Variants in FRMD6 observed in about 807,000 individuals in gnomAD.
FRMD6 encodes the protein FERM domain-containing protein 6.
FRMD6 carries 37 observed loss-of-function variants against 73.2 expected under a neutral mutation model. The observed-to-expected ratio is 0.51, with a 90% CI of 0.39 to 0.66. The LOEUF (loss-of-function observed/expected upper bound fraction) is 0.66, where lower values mean the gene tolerates loss of function less well. Among genes scored for constraint, FRMD6 ranks in the 30% least tolerant of loss-of-function variants. FRMD6 has a pLI of 0.00. For missense variants in FRMD6, 714 were observed against 780.5 expected (o/e 0.91, Z 1.02); for synonymous variants, 273 against 282.2 (o/e 0.97, Z 0.33).
chr14:51,634,226 T>C (rs1465195568), intron 2 of FRMD6, among the ~76,000 whole-genome samples: 1 of 152,244 alleles, frequency 6.6e-6, no homozygotes, highest in African/African-American at 2.4e-5. Context: ...GTACTCTTAT[T>C]ACACGTTGGG....
Position 51,521,866 on chromosome 14 carries a change from A to G in FRMD6, c.-210+32446A>G, listed in dbSNP as rs150475824. Among the ~76,000 whole-genome samples the G allele has an allele frequency of 2.1e-3, 319 of 152,320 alleles. 2 individuals carry two copies. The highest frequency in any genetic ancestry group is 7.0e-3 in the African/African-American group (290 of 41,584). On this transcript the variant is annotated intron_variant, in intron 1 of 14. Transcript: ENST00000356218. ...ACCAAGATAAATTTGTGATGAGCAGAAGTGATATTTATGTACCATAAATTC... is the reference window on the plus strand; with the variant it reads ...ACCAAGATAAATTTGTGATGAGCAGGAGTGATATTTATGTACCATAAATTC...
chr14:51,413,509 A>T, the FRMD6 span, among the ~76,000 whole-genome samples: 11 of 152,176 alleles, frequency 7.2e-5, no homozygotes, highest in African/African-American at 2.7e-4. Context: ...TTATGGCTGC[A>T]TAGTATTCCA....
At chr14:51,469,514 G>A in the FRMD6 span, among the ~76,000 whole-genome samples, 1 of 150,104 alleles carries the variant, frequency 6.7e-6, no homozygotes, top group East Asian at 2.1e-4. Flanking sequence ...TCGGGAGGCT[G>A]AGGCAGGAGA....
At chr14:51,504,175 T>G (rs4454874) in intron 1 of FRMD6, among the ~76,000 whole-genome samples, 1 of 151,994 alleles carries the variant, frequency 6.6e-6, no homozygotes, top group African/African-American at 2.4e-5. Context: ...GTCAGGCTAC[T>G]CTACCATAGG....
chr14:51,704,664 G>T, intron 5 of FRMD6, 85 bp from the exon 6 acceptor site: 1 of 1,118,376 alleles, frequency 8.9e-7, no homozygotes. Flanking sequence ...CCTGTCACCA[G>T]ATGGAGAGAA....
intron 1 of FRMD6, among the ~76,000 whole-genome samples, chr14:51,654,643 C>A (rs1457525576): frequency 2.0e-5 from 3 of 151,246 alleles, no homozygotes; most frequent in African/African-American, 4.9e-5. Flanking sequence ...AAAGCCAGTA[C>A]CAAGAAAAGA....
intron 2 of FRMD6, among the ~76,000 whole-genome samples, chr14:51,640,576 G>A (rs1225849985): frequency 3.3e-5 from 5 of 152,128 alleles, no homozygotes; most frequent in African/African-American, 7.2e-5. Context: ...TAATGATCCC[G>A]TTTACAACTA....
chr14:51,605,895 T>A (rs1391946797), intron 2 of FRMD6, among the ~76,000 whole-genome samples: 4 of 152,196 alleles, frequency 2.6e-5, no homozygotes, highest in Non-Finnish European at 5.9e-5. Flanking sequence ...GTGTCCTTCC[T>A]ACTGCTGAGG....
intron 6 of FRMD6, among the ~76,000 whole-genome samples, chr14:51,706,748 T>C (rs148260423): frequency 5.7e-4 from 87 of 152,262 alleles, no homozygotes; most frequent in African/African-American, 1.9e-3. Flanking sequence ...TTACATCTTA[T>C]TTTAAAATGA....
intron 2 of FRMD6, 47 bp from the exon 3 acceptor site, chr14:51,698,095 G>A: frequency 7.2e-7 from 1 of 1,382,702 alleles, no homozygotes; most frequent in Non-Finnish European, 1.0e-6. Context: ...CTCCCTGGGT[G>A]GACTTAGTTG....
At chr14:51,668,392 C>T (rs1190161743) in intron 1 of FRMD6, among the ~76,000 whole-genome samples, 4 of 151,900 alleles carry the variant, frequency 2.6e-5, no homozygotes, top group African/African-American at 7.3e-5. Context: ...CTGCAACCTC[C>T]GCCTCCTGGG....
chr14:51,631,679 A>C (rs545465129), intron 2 of FRMD6, among the ~76,000 whole-genome samples: 3 of 152,358 alleles, frequency 2.0e-5, no homozygotes, highest in Admixed American at 1.3e-4. Context: ...ATAAGACTCA[A>C]GTAAGATTTT....
the FRMD6 span, among the ~76,000 whole-genome samples, chr14:51,481,468 C>A: frequency 3.6e-3 from 552 of 152,288 alleles, 3 homozygotes; most frequent in African/African-American, 0.012. Context: ...ATTCAATTAT[C>A]CCCCACTGGG....
chr14:51,591,130 C>T (rs1889361223), intron 2 of FRMD6, among the ~76,000 whole-genome samples: 1 of 152,126 alleles, frequency 6.6e-6, no homozygotes, highest in South Asian at 2.1e-4. Context: ...TCTGTCACCT[C>T]TGAGGGCTGT....
chr14:51,538,735 A>G (rs1180253075), intron 1 of FRMD6, among the ~76,000 whole-genome samples: 1 of 152,210 alleles, frequency 6.6e-6, no homozygotes. Context: ...CTAGACTCTC[A>G]GTGCTACCCC....
intron 13 of FRMD6, among the ~76,000 whole-genome samples, chr14:51,727,516 C>T (rs766509598): frequency 3.3e-5 from 5 of 152,166 alleles, no homozygotes; most frequent in Admixed American, 2.6e-4. Flanking sequence ...GTATTTAGGT[C>T]AGGGCCTGGC....
chr14:51,678,579 G>A (rs184089296), intron 1 of FRMD6, among the ~76,000 whole-genome samples: 66 of 152,160 alleles, frequency 4.3e-4, no homozygotes, highest in Non-Finnish European at 5.0e-4. Flanking sequence ...AATTGCTAGG[G>A]ATTCATTCAC....
intron 1 of FRMD6, among the ~76,000 whole-genome samples, chr14:51,538,421 T>A (rs1422586792): frequency 6.6e-6 from 1 of 152,188 alleles, no homozygotes; most frequent in Non-Finnish European, 1.5e-5. Context: ...ATTTATCAAT[T>A]CTTTTCCTTT....
intron 1 of FRMD6, among the ~76,000 whole-genome samples, chr14:51,672,270 G>A (rs141941145): frequency 1.2e-3 from 188 of 152,302 alleles, no homozygotes; most frequent in African/African-American, 4.4e-3. Flanking sequence ...AGTCTTTTGA[G>A]AAAGTTAGTC....
Sources: allele counts gnomAD v4.1 joint callset (sites outside exome capture counted in the v4.1 genomes callset), GRCh38; gene constraint gnomAD v4.1.1; transcripts MANE v1.5; gene names NCBI Gene and HGNC (gene_info 2026-07-23, HGNC 2026-07-21).